ATIC: variants seen among roughly 807,000 people sequenced by gnomAD.
The protein encoded by ATIC is 5-aminoimidazole-4-carboxamide ribonucleotide formyltransferase/IMP cyclohydrolase.
In ATIC, 64 loss-of-function variants were observed where a neutral mutation model predicts 72.5. The ratio of observed to expected loss-of-function variants is 0.88; its 90% CI spans 0.72 to 1.09. ATIC has a LOEUF of 1.09. Ranked by LOEUF, ATIC falls within the 50% of genes least tolerant of loss-of-function variation. The probability of loss-of-function intolerance (pLI) is 0.00; values close to 1 mark genes in which losing one functional copy is unlikely to be tolerated. For synonymous variants in ATIC, 281 were observed against 267.1 expected (o/e 1.05, Z -0.51); for missense variants, 787 against 732.4 (o/e 1.07, Z -0.86).
chr2:215,320,973 G>A (rs950358079), intron 4 of ATIC, among the ~76,000 whole-genome samples: 5 of 152,138 alleles, frequency 3.3e-5, no homozygotes, highest in East Asian at 1.9e-4. Context: ...GATCTCCCCC[G>A]TGACCCAATC....
chr2:215,352,581 C>T (rs930756194), downstream of ATIC, among the ~76,000 whole-genome samples: 2 of 91,070 alleles, frequency 2.2e-5, no homozygotes, highest in African/African-American at 4.2e-5. Context: ...GACTCCATCT[C>T]AAGAAAAAAA....
downstream of ATIC, among the ~76,000 whole-genome samples, chr2:215,351,965 G>A (rs901483595): frequency 2.0e-5 from 3 of 152,080 alleles, no homozygotes; most frequent in Admixed American, 6.5e-5. Flanking sequence ...TTAATCATGA[G>A]AAAAACATCA....
In ATIC at chr2:215,346,801, A is replaced by C. The variant is rs564455369; in HGVS notation, c.1363A>C (p.Thr455Pro). 5 of 1,614,168 alleles carry C rather than the reference A, an allele frequency of 3.1e-6. No individual in the cohort carries two copies. In the Admixed American group the frequency reaches 6.7e-5, roughly 22 times the overall value. ...AGGACAGCAGTCTCGTATACACTGCACTCGCCTTGCAGGAGATAAGGCAAA... is the reference window on the plus strand; with the variant it reads ...AGGACAGCAGTCTCGTATACACTGCCCTCGCCTTGCAGGAGATAAGGCAAA... ...GAGQQSRIHC[T>P]RLAGDKANYW... is the part of the protein sequence containing the mutation. The change falls in exon 14 of 16, where the codon ACT (threonine) becomes CCT (proline). Residue 455 changes from threonine to proline, a missense_variant. Coordinates refer to ENST00000236959, the MANE Select transcript of ATIC (RefSeq NM_004044.7).
chr2:215,362,335 A>C, the ATIC span: 4 of 485,910 alleles, frequency 8.2e-6, no homozygotes, highest in Admixed American at 6.6e-5. Flanking sequence ...CTTCCTATTC[A>C]AACCTTGCCC....
chr2:215,313,735 T>C (rs1337398099), intron 2 of ATIC, among the ~76,000 whole-genome samples: 2 of 152,192 alleles, frequency 1.3e-5, no homozygotes, highest in Admixed American at 6.5e-5. Context: ...TTCCCTAAGT[T>C]TAACAAGTTC....
rs566284744 is a variant in ATIC, at chr2:215,333,252, CT to C, written c.815-97del. ...TTTAGCACAGGCACTAGAAAATGTG[CT>C]GCGTAGACTGGGTGTTAAGAAAACT... is the stretch of plus-strand genomic sequence containing the variant. On this transcript the variant is annotated intron_variant, in intron 8 of 15. Transcript: ENST00000236959. The C allele has an allele frequency of 2.9e-4, 274 of 953,266 alleles. No homozygotes were observed. The African/African-American group carries it at 3.9e-3, about 14-fold the overall frequency. 59.1% of individuals were successfully genotyped at this position (953,266 alleles called of 1,614,324 possible).
At chr2:215,352,850 T>G (rs1221385047), downstream of ATIC, among the ~76,000 whole-genome samples, 4 of 128,216 alleles carry the variant, frequency 3.1e-5, no homozygotes, top group Non-Finnish European at 6.7e-5. Flanking sequence ...TGCAGTCGAT[T>G]GACTGAAGAT....
At chr2:215,364,621 C>T in the ATIC span, 74 of 559,170 alleles carry the variant, frequency 1.3e-4, no homozygotes, top group African/African-American at 9.8e-4. Context: ...TTAAGAATGA[C>T]TCAAGACTTG....
intron 9 of ATIC, among the ~76,000 whole-genome samples, chr2:215,333,785 G>A (rs2052922650): frequency 6.6e-6 from 1 of 152,126 alleles, no homozygotes; most frequent in Admixed American, 6.5e-5. Context: ...TCTCACGCCT[G>A]TAGTACCAGG....
intron 2 of ATIC, among the ~76,000 whole-genome samples, chr2:215,314,948 G>A (rs1207268577): frequency 6.6e-6 from 1 of 152,188 alleles, no homozygotes; most frequent in African/African-American, 2.4e-5. Context: ...TCAGAATGAA[G>A]ACCCAAAGAC....
At chr2:215,313,547 G>A (rs1436513908) in intron 2 of ATIC, among the ~76,000 whole-genome samples, 1 of 152,196 alleles carries the variant, frequency 6.6e-6, no homozygotes, top group African/African-American at 2.4e-5. Context: ...ACGGCAGTGA[G>A]AGTTGGGAGG....
chr2:215,339,046 G>T, intron 12 of ATIC, 139 bp downstream of exon 12: 1 of 1,194,420 alleles, frequency 8.4e-7, no homozygotes, highest in Non-Finnish European at 1.2e-6. Context: ...TCTTTGAGTT[G>T]TCACATAAGC....
intron 11 of ATIC, among the ~76,000 whole-genome samples, chr2:215,337,084 CTTT>C (rs11285874): frequency 6.5e-5 from 9 of 138,636 alleles, no homozygotes; most frequent in Non-Finnish European, 1.2e-4. Context: ...TTGTTGTTGG[CTTT>C]TTTTTTTTTT....
chr2:215,312,655 G>T (rs779469845), intron 2 of ATIC, 31 bp downstream of exon 2: 1 of 1,614,070 alleles, frequency 6.2e-7, no homozygotes. Flanking sequence ...TCAGAAAGGA[G>T]TGTGATCACA....
rs1029009876 is a variant in ATIC at position 215,349,721 on chromosome 2, G to A, written c.*66G>A. 4 of 1,612,332 alleles carry A rather than the reference G, an allele frequency of 2.5e-6. No homozygotes were observed. The highest frequency in any genetic ancestry group is 3.4e-6 in the Non-Finnish European group (4 of 1,178,498). On this transcript the variant is annotated 3_prime_UTR_variant, in exon 16 of 16. Coordinates refer to ENST00000236959, the MANE Select transcript of ATIC (RefSeq NM_004044.7). Reference sequence around the variant, plus strand: ...GAACAGTCACGCCTGAAACTTTGAGGATAACTTTTTAAAAAAATAAAACAG... The same window carrying A: ...GAACAGTCACGCCTGAAACTTTGAGAATAACTTTTTAAAAAAATAAAACAG...
At chr2:215,319,759 A>G (rs16853782) in intron 4 of ATIC, 28 bp downstream of exon 4, 333,611 of 1,552,812 alleles carry the variant, frequency 0.21, 38,264 homozygotes, top group East Asian at 0.48. Flanking sequence ...AACTTTTAAC[A>G]CATTACGAAC....
chr2:215,331,281 G>A (rs1389485791), intron 7 of ATIC, among the ~76,000 whole-genome samples: 2 of 151,518 alleles, frequency 1.3e-5, no homozygotes, highest in African/African-American at 4.9e-5. Flanking sequence ...CTAGAACAGT[G>A]CTTAACATCG....
Position 215,349,725 on chromosome 2 carries a change from A to C in ATIC, c.*70A>C. The C allele has an allele frequency of 6.2e-7, 1 of 1,611,420 alleles. No individual in the cohort carries two copies. Among genetic ancestry groups the C allele is most frequent in the Non-Finnish European group, 8.5e-7 (1 of 1,177,674 alleles). Reference sequence around the variant, plus strand: ...AGTCACGCCTGAAACTTTGAGGATAACTTTTTAAAAAAATAAAACAGTATC... The same window carrying C: ...AGTCACGCCTGAAACTTTGAGGATACCTTTTTAAAAAAATAAAACAGTATC... On this transcript the variant is annotated 3_prime_UTR_variant, in exon 16 of 16. Transcript: ENST00000236959.
chr2:215,365,757 T>C, the ATIC span: 1 of 722,356 alleles, frequency 1.4e-6, no homozygotes, highest in Non-Finnish European at 2.3e-6. Flanking sequence ...AAGTTAAAGA[T>C]AAAAACCCCT....
Sources: gnomAD v4.1 joint callset for allele counts (sites outside exome capture counted in the v4.1 genomes callset) on GRCh38, gnomAD v4.1.1 for gene constraint, MANE v1.5 for transcripts, NCBI Gene and HGNC (gene_info 2026-07-23, HGNC 2026-07-21) for gene names.